DNM2: variants seen among roughly 807,000 people sequenced by gnomAD.
DNM2 encodes dynamin-2.
DNM2 carries 15 observed loss-of-function variants against 99.0 expected under a neutral mutation model. The ratio of observed to expected loss-of-function variants is 0.15; its 90% CI spans 0.10 to 0.23. DNM2 has a LOEUF of 0.23. DNM2 is among the 10% of genes least tolerant of loss of function. DNM2 has a pLI of 1.00. For synonymous variants in DNM2, 525 were observed against 481.2 expected (o/e 1.09, Z -1.19); for missense variants, 742 against 1,189.4 (o/e 0.62, Z 5.53).
At position 10,831,115 on chromosome 19, in the gene DNM2, G is replaced by GGCCCTCCGCC; in HGVS notation, c.*73_*82dup. Reference sequence around the variant, plus strand: ...CGGCGCAGGAGCTTCAGTGGTCTGGGGCCCTCCGCCGCCCCTATGCTGGGA... The same window carrying GGCCCTCCGCC: ...CGGCGCAGGAGCTTCAGTGGTCTGGGGCCCTCCGCCGCCCTCCGCCGCCCCTATGCTGGGA... On this transcript the variant is annotated 3_prime_UTR_variant, in exon 21 of 21. Coordinates refer to ENST00000389253, the MANE Select transcript of DNM2 (RefSeq NM_001005361.3). This position sits in a 1 kb window ranked among gnomAD's most constrained non-coding sequence, Gnocchi z 4.3. 1 of 1,522,690 alleles carries GGCCCTCCGCC rather than the reference G, an allele frequency of 6.6e-7. No individual in the cohort carries two copies. Among genetic ancestry groups the GGCCCTCCGCC allele is most frequent in the East Asian group, 2.5e-5 (1 of 40,096 alleles). 94.3% of individuals were successfully genotyped at this position (1,522,690 alleles called of 1,614,324 possible). A position where few individuals can be genotyped will look rare whatever the true frequency, so the allele number is the denominator to read the frequency against.
chr19:10,826,581 G>C (rs2079645914), intron 18 of DNM2, among the ~76,000 whole-genome samples: 1 of 152,190 alleles, frequency 6.6e-6, no homozygotes, highest in African/African-American at 2.4e-5. Context: ...TAGCCACTCA[G>C]GAAGCTTTAT....
At chr19:10,798,952 G>A (rs1010220395) in intron 11 of DNM2, among the ~76,000 whole-genome samples, 2 of 152,220 alleles carry the variant, frequency 1.3e-5, no homozygotes, top group African/African-American at 2.4e-5. Flanking sequence ...CAGGCTGGGT[G>A]TAGTAACTCA....
chr19:10,743,874 C>A (rs2069858909), intron 1 of DNM2, among the ~76,000 whole-genome samples: 1 of 147,826 alleles, frequency 6.8e-6, no homozygotes, highest in Admixed American at 6.8e-5. Flanking sequence ...GTAGTCCCAG[C>A]TACTTGGGAG....
At chr19:10,805,830 A>G in intron 12 of DNM2, 86 bp from the exon 13 acceptor site, 2 of 1,574,398 alleles carry the variant, frequency 1.3e-6, no homozygotes, top group Non-Finnish European at 8.7e-7. Flanking sequence ...CTTGGTCCCC[A>G]GGGAGAGAAC....
chr19:10,742,220 T>C (rs1262170145), intron 1 of DNM2, among the ~76,000 whole-genome samples: 1 of 152,146 alleles, frequency 6.6e-6, no homozygotes, highest in Non-Finnish European at 1.5e-5. Context: ...GTGGATACCC[T>C]GCAAGGGAGT....
At chr19:10,746,465 C>A (rs1258180514) in intron 1 of DNM2, among the ~76,000 whole-genome samples, 3 of 151,988 alleles carry the variant, frequency 2.0e-5, no homozygotes, top group African/African-American at 7.2e-5. Context: ...CTCTTATTGC[C>A]CAGGCAGGAG....
At position 10,831,311 on chromosome 19, in the gene DNM2, G is replaced by A; in HGVS notation, c.*264G>A. The stretch of plus-strand genomic sequence containing the variant: ...TGGAGTCTCAGGGTGGCAGAGGGGG[G>A]ACCAGAACCCTTGACACCATCCTGA... On this transcript the variant is annotated 3_prime_UTR_variant, in exon 21 of 21. Coordinates refer to ENST00000389253, the MANE Select transcript of DNM2 (RefSeq NM_001005361.3). This position sits in a 1 kb window ranked among gnomAD's most constrained non-coding sequence, Gnocchi z 4.3. 7.9e-7 allele frequency: 1 copy of A among 1,263,810 alleles called. No individual in the cohort carries two copies. Among genetic ancestry groups the A allele is most frequent in the South Asian group, 2.5e-5 (1 of 39,800 alleles). The allele number at this position is 1,263,810 out of a possible 1,614,324, so 78.3% of individuals were successfully genotyped here.
chr19:10,800,242 T>C (rs1481271586), intron 11 of DNM2, among the ~76,000 whole-genome samples: 1 of 152,188 alleles, frequency 6.6e-6, no homozygotes, highest in Non-Finnish European at 1.5e-5. Context: ...AGCCCTTGCT[T>C]GCTATGTCAC....
chr19:10,828,026 C>T (rs757778913), intron 18 of DNM2, among the ~76,000 whole-genome samples: 10 of 151,458 alleles, frequency 6.6e-5, no homozygotes, highest in Non-Finnish European at 1.3e-4. Flanking sequence ...GGCTCACTCA[C>T]GCCTGTAATC....
chr19:10,746,309 GGGT>G (rs1172728144), intron 1 of DNM2, among the ~76,000 whole-genome samples: 2 of 152,090 alleles, frequency 1.3e-5, no homozygotes, highest in African/African-American at 4.8e-5. Flanking sequence ...GGGAGTGAGG[GGGT>G]GGTGGGGGAG....
At chr19:10,731,777 C>T (rs1044431212) in intron 1 of DNM2, among the ~76,000 whole-genome samples, 2 of 152,240 alleles carry the variant, frequency 1.3e-5, no homozygotes, top group Admixed American at 1.3e-4. Flanking sequence ...TCTTGCAACA[C>T]TGAGTTCCCC....
chr19:10,807,143 G>C (rs2072365242), intron 13 of DNM2, among the ~76,000 whole-genome samples: 1 of 152,094 alleles, frequency 6.6e-6, no homozygotes, highest in South Asian at 2.1e-4. Context: ...CGCAATCTTG[G>C]CTCACTGCAA....
rs988830803 is a variant in DNM2, at chr19:10,794,754, C to CA, written c.1129-610dup. Among the ~76,000 whole-genome samples the CA allele has an allele frequency of 4.1e-4, 61 of 149,028 alleles. No individual in the cohort carries two copies. In the South Asian group the frequency reaches 4.5e-3, roughly 11 times the overall value. The stretch of plus-strand genomic sequence containing the variant: ...AGCCAGACCCTATCTCAAAAAAAAA[C>CA]AAAAAAAACAAAAAGAAAGAAAAAA... On this transcript the variant is annotated intron_variant, in intron 8 of 20. Coordinates refer to ENST00000389253, the MANE Select transcript of DNM2 (RefSeq NM_001005361.3).
At chr19:10,752,452 C>A (rs2070229703) in intron 1 of DNM2, among the ~76,000 whole-genome samples, 2 of 152,226 alleles carry the variant, frequency 1.3e-5, no homozygotes, top group South Asian at 4.1e-4. Context: ...TCTGGGGCAT[C>A]ACCATTGTCC....
chr19:10,793,642 C>G, intron 7 of DNM2, 78 bp from the exon 8 acceptor site: 2 of 1,613,398 alleles, frequency 1.2e-6, no homozygotes, highest in South Asian at 1.1e-5. Context: ...ACAGTAAACC[C>G]TGGCTTGACT....
intron 7 of DNM2, among the ~76,000 whole-genome samples, chr19:10,787,884 G>A (rs1345643739): frequency 2.0e-5 from 3 of 151,050 alleles, no homozygotes; most frequent in African/African-American, 4.9e-5. Context: ...AGCCGAGATC[G>A]TGCCATTGCA....
At chr19:10,757,943 C>CAAA (rs762600168) in intron 1 of DNM2, among the ~76,000 whole-genome samples, 3,717 of 65,208 alleles carry the variant, frequency 0.057, 126 homozygotes, top group South Asian at 0.1. Flanking sequence ...AGCTCTGTCT[C>CAAA]AAAAAAAAAA....
chr19:10,721,555 G>C (rs374554958), intron 1 of DNM2, among the ~76,000 whole-genome samples: 50 of 152,070 alleles, frequency 3.3e-4, no homozygotes, highest in Non-Finnish European at 5.7e-4. Flanking sequence ...TTTTTGGGGG[G>C]GTGTAAGAGA....
chr19:10,762,740 C>G (rs989344085), intron 2 of DNM2, among the ~76,000 whole-genome samples: 7 of 152,314 alleles, frequency 4.6e-5, no homozygotes, highest in African/African-American at 1.4e-4. Context: ...CTTTAAAGCC[C>G]ACCCTTAAGC....
Sources: allele counts gnomAD v4.1 joint callset (sites outside exome capture counted in the v4.1 genomes callset), GRCh38; gene constraint gnomAD v4.1.1; non-coding constraint Gnocchi (gnomAD v3.1); transcripts MANE v1.5; gene names NCBI Gene and HGNC (gene_info 2026-07-23, HGNC 2026-07-21).